FBXL17: variants seen among roughly 807,000 people sequenced by gnomAD.
FBXL17 encodes the protein F-box and leucine rich repeat protein 17.
A neutral mutation model predicts 66.2 loss-of-function variants in FBXL17; 22 were observed. The ratio of observed to expected loss-of-function variants is 0.33; its 90% CI spans 0.24 to 0.47. The LOEUF (loss-of-function observed/expected upper bound fraction) is 0.47. Among genes scored for constraint, FBXL17 ranks in the 20% least tolerant of loss-of-function variants. FBXL17 has a pLI of 1.00. For synonymous variants in FBXL17, 474 were observed against 400.5 expected (o/e 1.18, Z -2.19); for missense variants, 878 against 948.2 (o/e 0.93, Z 0.97).
chr5:108,367,969 G>A lies in FBXL17; in HGVS notation c.994-16C>T, dbSNP rs1003388720. On this transcript the variant is annotated splice_polypyrimidine_tract_variant and intron_variant, in intron 1 of 8. Coordinates refer to ENST00000542267, the MANE Select transcript of FBXL17 (RefSeq NM_001163315.3). ...TGGAAAATATCTGTGAATAAAAAAC[G>A]GTACCATATAATATGTGCTAAACAT... 7.6e-5 allele frequency: 117 copies of A among 1,547,858 alleles called. No homozygotes were observed. The highest frequency in any genetic ancestry group is 5.7e-4 in the Admixed American group (29 of 50,480).
chr5:107,998,866 T>C (rs1753592390), intron 7 of FBXL17, among the ~76,000 whole-genome samples: 1 of 152,220 alleles, frequency 6.6e-6, no homozygotes, highest in Non-Finnish European at 1.5e-5. Context: ...ATTTATAGCA[T>C]AGAGTCTAAA....
intron 5 of FBXL17, among the ~76,000 whole-genome samples, chr5:108,221,559 C>T (rs73778692): frequency 0.016 from 2,470 of 152,196 alleles, 70 homozygotes; most frequent in African/African-American, 0.057. Context: ...GATTTAGTGA[C>T]ATCATGTATT....
chr5:107,981,237 A>C (rs1278044440), intron 7 of FBXL17, among the ~76,000 whole-genome samples: 1 of 152,198 alleles, frequency 6.6e-6, no homozygotes, highest in Non-Finnish European at 1.5e-5. Context: ...CGCTAAGTAC[A>C]TGGAGAACCA....
intron 7 of FBXL17, among the ~76,000 whole-genome samples, chr5:107,946,376 C>T (rs1420556824): frequency 7.3e-6 from 1 of 137,804 alleles, no homozygotes; most frequent in Non-Finnish European, 1.5e-5. Context: ...CTCACTGCAG[C>T]TTCAAACTCC....
intron 6 of FBXL17, among the ~76,000 whole-genome samples, chr5:108,157,246 A>G (rs1475886167): frequency 3.3e-5 from 5 of 151,636 alleles, no homozygotes; most frequent in Non-Finnish European, 5.9e-5. Flanking sequence ...AAAAAATTAA[A>G]TAAATAAATG....
intron 3 of FBXL17, among the ~76,000 whole-genome samples, chr5:108,352,388 C>T (rs1337526566): frequency 2.6e-5 from 4 of 152,212 alleles, no homozygotes; most frequent in Non-Finnish European, 5.9e-5. Flanking sequence ...ATCTATGACC[C>T]ACAGAAAAAC....
intron 3 of FBXL17, among the ~76,000 whole-genome samples, chr5:108,356,404 T>A (rs1747991480): frequency 6.6e-6 from 1 of 152,190 alleles, no homozygotes; most frequent in Non-Finnish European, 1.5e-5. Flanking sequence ...GTTTTATTTA[T>A]AATTACCAGA....
At chr5:108,167,006 T>G (rs1197383349) in intron 6 of FBXL17, among the ~76,000 whole-genome samples, 2 of 152,142 alleles carry the variant, frequency 1.3e-5, no homozygotes, top group Non-Finnish European at 2.9e-5. Context: ...AAATATAAAA[T>G]AGCTATATAC....
chr5:108,079,448 A>G (rs1445864819), intron 6 of FBXL17, among the ~76,000 whole-genome samples: 1 of 152,200 alleles, frequency 6.6e-6, no homozygotes, highest in African/African-American at 2.4e-5. Context: ...AAAATTAGAA[A>G]TAATAATGTA....
intron 7 of FBXL17, among the ~76,000 whole-genome samples, chr5:107,962,067 C>A (rs535695051): frequency 1.3e-4 from 20 of 151,958 alleles, no homozygotes; most frequent in African/African-American, 4.8e-4. Context: ...TTGTATAGTT[C>A]TTTGAAAGGA....
chr5:108,179,986 G>A (rs1054142920), intron 6 of FBXL17, among the ~76,000 whole-genome samples: 10 of 152,066 alleles, frequency 6.6e-5, no homozygotes, highest in African/African-American at 2.2e-4. Flanking sequence ...CATCATCCTG[G>A]AAAGAATGTT....
intron 4 of FBXL17, among the ~76,000 whole-genome samples, chr5:108,245,068 A>G (rs1013230765): frequency 2.0e-5 from 3 of 152,178 alleles, no homozygotes; most frequent in Admixed American, 6.5e-5. Flanking sequence ...TAAAGGAAAT[A>G]TATCAGGAAG....
intron 4 of FBXL17, among the ~76,000 whole-genome samples, chr5:108,270,369 T>C (rs893708030): frequency 2.0e-5 from 3 of 151,578 alleles, no homozygotes; most frequent in South Asian, 2.1e-4. Context: ...ACCTAAATCA[T>C]ATATTTATGA....
chr5:108,053,474 C>A (rs1282891885), intron 6 of FBXL17, among the ~76,000 whole-genome samples: 1 of 152,056 alleles, frequency 6.6e-6, no homozygotes, highest in Non-Finnish European at 1.5e-5. Context: ...TGCACTCCAA[C>A]CTAGACAACA....
intron 7 of FBXL17, among the ~76,000 whole-genome samples, chr5:108,015,018 C>T (rs1320032595): frequency 6.6e-6 from 1 of 152,040 alleles, no homozygotes; most frequent in Non-Finnish European, 1.5e-5. Flanking sequence ...TGGGTCTCTC[C>T]CACAACACAT....
chr5:108,350,283 C>G (rs187618126), intron 3 of FBXL17, among the ~76,000 whole-genome samples: 1 of 152,128 alleles, frequency 6.6e-6, no homozygotes, highest in Non-Finnish European at 1.5e-5. Flanking sequence ...TGACCTTGCC[C>G]TTTTTCCTAC....
At chr5:108,309,522 A>T (rs866535374) in intron 4 of FBXL17, among the ~76,000 whole-genome samples, 9 of 152,038 alleles carry the variant, frequency 5.9e-5, no homozygotes, top group African/African-American at 1.9e-4. Context: ...ACAGCATAAT[A>T]TAGAAAGCAA....
rs939702290 is a variant in FBXL17 at position 107,938,742 on chromosome 5, T to A, written c.1823-57563A>T. ...TTCTCCATATGTTGCCCATATGTTA[T>A]ATTTCCATAAACATATCTTCTAGAA... On this transcript the variant is annotated intron_variant, in intron 7 of 8. Coordinates refer to ENST00000542267, the MANE Select transcript of FBXL17 (RefSeq NM_001163315.3). 2.0e-5 allele frequency among the ~76,000 whole-genome samples: 3 copies of A among 152,298 alleles called. No individual in the cohort carries two copies. In the South Asian group the frequency reaches 6.2e-4, roughly 32 times the overall value.
At chr5:108,105,964 A>ATTGC (rs1214474982) in intron 6 of FBXL17, among the ~76,000 whole-genome samples, 2 of 152,188 alleles carry the variant, frequency 1.3e-5, no homozygotes, top group Non-Finnish European at 2.9e-5. Context: ...TATTTTACAT[A>ATTGC]TTGCTTTACT....
Sources: allele counts gnomAD v4.1 joint callset (sites outside exome capture counted in the v4.1 genomes callset), GRCh38; gene constraint gnomAD v4.1.1; transcripts MANE v1.5; gene names NCBI Gene and HGNC (gene_info 2026-07-23, HGNC 2026-07-21).